Variants in CSMD1 observed in about 807,000 individuals in gnomAD.
CSMD1 encodes CUB and Sushi multiple domains 1, also known as CUB and sushi domain-containing protein 1.
A neutral mutation model predicts 417.5 loss-of-function variants in CSMD1; 213 were observed. That is an observed-to-expected ratio of 0.51 (90% CI 0.46 to 0.57). The LOEUF (loss-of-function observed/expected upper bound fraction) is 0.57. Among genes scored for constraint, CSMD1 ranks in the 20% least tolerant of loss-of-function variants. CSMD1 has a pLI of 0.00. For synonymous variants in CSMD1, 2,862 were observed against 1,736.8 expected, an observed-to-expected ratio of 1.65 and a Z score of -16.11; for missense variants, 6,923 against 4,529.7, an observed-to-expected ratio of 1.53 and a Z score of -15.17.
intron 10 of CSMD1, among the ~76,000 whole-genome samples, chr8:3,525,936 T>C (rs1164294233): frequency 1.3e-5 from 2 of 152,180 alleles, no homozygotes; most frequent in Non-Finnish European, 2.9e-5. Context: ...ATTACATGCA[T>C]TGTTCTTAAG....
At chr8:3,513,337 G>A (rs1433638274) in intron 10 of CSMD1, among the ~76,000 whole-genome samples, 2 of 146,480 alleles carry the variant, frequency 1.4e-5, no homozygotes, top group Non-Finnish European at 3.0e-5. Flanking sequence ...CTTGCCCACA[G>A]ATTTTTTTTT....
chr8:3,286,975 T>C (rs1024766423), intron 25 of CSMD1, among the ~76,000 whole-genome samples: 4 of 152,196 alleles, frequency 2.6e-5, no homozygotes, highest in Admixed American at 2.0e-4. Flanking sequence ...TTTAAGTCTT[T>C]AATCCATCTT....
intron 10 of CSMD1, among the ~76,000 whole-genome samples, chr8:3,525,619 A>C (rs563590463): frequency 6.6e-6 from 1 of 152,248 alleles, no homozygotes; most frequent in Admixed American, 6.5e-5. Flanking sequence ...GTATCTTCAA[A>C]ACCTCTTGCC....
At chr8:4,252,633 G>A (rs550652807) in intron 3 of CSMD1, among the ~76,000 whole-genome samples, 1 of 152,310 alleles carries the variant, frequency 6.6e-6, no homozygotes, top group Middle Eastern at 3.4e-3. Context: ...ATAGTCTCCA[G>A]AAGTAACACC....
At chr8:3,670,537 TATACATATATCCC>T (rs1262601315) in intron 7 of CSMD1, among the ~76,000 whole-genome samples, 6 of 131,062 alleles carry the variant, frequency 4.6e-5, no homozygotes, top group East Asian at 2.1e-4. Flanking sequence ...ATATATCCCA[TATACATATATCCC>T]ATATATATAT....
In CSMD1 at chr8:4,527,229, G is replaced by A. The variant is rs116524647; in HGVS notation, c.303-107164C>T. On this transcript the variant is annotated intron_variant, in intron 2 of 69. Coordinates refer to ENST00000635120, the MANE Select transcript of CSMD1 (RefSeq NM_033225.6). ...AGTTGTTTTGGCCAGTTGGGTTGCTGTAATTACATCAAACATTAGCATTAG... is the reference window on the plus strand; with the variant it reads ...AGTTGTTTTGGCCAGTTGGGTTGCTATAATTACATCAAACATTAGCATTAG... 7.5e-3 allele frequency among the ~76,000 whole-genome samples: 1,142 copies of A among 152,198 alleles called. 20 individuals are homozygous for A. Among genetic ancestry groups the A allele is most frequent in the African/African-American group, 0.026 (1,094 of 41,516 alleles).
intron 7 of CSMD1, among the ~76,000 whole-genome samples, chr8:3,635,374 T>C (rs1796984090): frequency 6.6e-6 from 1 of 151,902 alleles, no homozygotes; most frequent in Non-Finnish European, 1.5e-5. Flanking sequence ...CTCGGGAGGC[T>C]GAGGCAGGAG....
At chr8:4,773,348 C>G (rs972122039) in intron 1 of CSMD1, among the ~76,000 whole-genome samples, 4 of 152,114 alleles carry the variant, frequency 2.6e-5, no homozygotes, top group African/African-American at 9.7e-5. Context: ...TGACTGGTGG[C>G]TTTTTGTTTC....
At chr8:4,060,206 C>A (rs946288783) in intron 3 of CSMD1, among the ~76,000 whole-genome samples, 13 of 146,856 alleles carry the variant, frequency 8.9e-5, no homozygotes, top group African/African-American at 3.3e-4. Context: ...ATGATTATTT[C>A]AATAGATGCA....
chr8:3,979,920 C>G (rs1585070171), intron 5 of CSMD1, among the ~76,000 whole-genome samples: 3 of 152,296 alleles, frequency 2.0e-5, no homozygotes, highest in Admixed American at 2.0e-4. Flanking sequence ...CATAAAGACC[C>G]TTTGTCCTCA....
intron 54 of CSMD1, among the ~76,000 whole-genome samples, chr8:2,988,994 G>C (rs748355921): frequency 6.6e-6 from 1 of 152,068 alleles, no homozygotes; most frequent in African/African-American, 2.4e-5. Context: ...GCTGCACCAG[G>C]GTCACACTCA....
intron 1 of CSMD1, among the ~76,000 whole-genome samples, chr8:4,994,015 C>T (rs898300127): frequency 6.6e-6 from 1 of 152,106 alleles, no homozygotes; most frequent in South Asian, 2.1e-4. Context: ...ACCGCCCCGG[C>T]GGAGCACAGT....
At chr8:2,979,439 T>A (rs546220657) in intron 54 of CSMD1, among the ~76,000 whole-genome samples, 1 of 152,254 alleles carries the variant, frequency 6.6e-6, no homozygotes, top group Admixed American at 6.5e-5. Context: ...TTAGCCTGAA[T>A]GCCTGTTGGC....
At chr8:3,085,264 A>C (rs985704803) in intron 49 of CSMD1, among the ~76,000 whole-genome samples, 5 of 152,236 alleles carry the variant, frequency 3.3e-5, no homozygotes, top group Non-Finnish European at 7.3e-5. Context: ...CCAAGTTTAA[A>C]GGTCAAAATG....
intron 7 of CSMD1, among the ~76,000 whole-genome samples, chr8:3,666,145 C>T (rs893494094): frequency 4.6e-5 from 7 of 152,140 alleles, no homozygotes; most frequent in African/African-American, 1.2e-4. Flanking sequence ...ATCTACATGC[C>T]CTGGCCTCCC....
chr8:4,823,312 G>C (rs139696261), intron 1 of CSMD1, among the ~76,000 whole-genome samples: 22 of 151,858 alleles, frequency 1.4e-4, no homozygotes, highest in African/African-American at 5.3e-4. Flanking sequence ...CCAGATTTTA[G>C]TTCTGTGATG....
intron 2 of CSMD1, among the ~76,000 whole-genome samples, chr8:4,498,861 T>C (rs890882272): frequency 3.9e-5 from 6 of 152,172 alleles, no homozygotes; most frequent in African/African-American, 1.4e-4. Flanking sequence ...CTATGCTTAC[T>C]ACACCCCAGA....
chr8:4,954,868 A>T (rs1214357320), intron 1 of CSMD1, among the ~76,000 whole-genome samples: 1 of 152,230 alleles, frequency 6.6e-6, no homozygotes, highest in Non-Finnish European at 1.5e-5. Context: ...ATACTAACTC[A>T]TAACTTCAGG....
intron 3 of CSMD1, among the ~76,000 whole-genome samples, chr8:4,218,196 C>T (rs1279097970): frequency 6.6e-6 from 1 of 152,168 alleles, no homozygotes; most frequent in Non-Finnish European, 1.5e-5. Context: ...CCTAATCACT[C>T]TTGTTGGCAC....
Sources: allele counts gnomAD v4.1 joint callset (sites outside exome capture counted in the v4.1 genomes callset), GRCh38; gene constraint gnomAD v4.1.1; transcripts MANE v1.5; gene names NCBI Gene and HGNC (gene_info 2026-07-23, HGNC 2026-07-21).